STK32A: variants seen among roughly 807,000 people sequenced by gnomAD.
The protein encoded by STK32A is serine/threonine kinase 32A.
Under a neutral mutation model 53.2 loss-of-function variants are expected in STK32A, and 41 were observed. The observed-to-expected ratio is 0.77, with a 90% CI of 0.60 to 1.00. The LOEUF (loss-of-function observed/expected upper bound fraction) is 1.00. Ranked by LOEUF, STK32A falls within the 50% of genes least tolerant of loss-of-function variation. The pLI is 0.00. For synonymous variants in STK32A, 166 were observed against 162.8 expected, an observed-to-expected ratio of 1.02 and a Z score of -0.15; for missense variants, 458 against 485.8, an observed-to-expected ratio of 0.94 and a Z score of 0.54.
At chr5:147,388,740 T>C (rs1417017438), downstream of STK32A, among the ~76,000 whole-genome samples, 1 of 152,204 alleles carries the variant, frequency 6.6e-6, no homozygotes, top group African/African-American at 2.4e-5. Context: ...ATTCCCCACC[T>C]GGTCAACGTG....
the STK32A span, among the ~76,000 whole-genome samples, chr5:147,399,912 C>G: frequency 6.6e-6 from 1 of 152,138 alleles, no homozygotes; most frequent in Non-Finnish European, 1.5e-5. Context: ...TCCCTCTTTT[C>G]AAACCAAAAA....
At chr5:147,376,215 A>C (rs2152005837) in intron 11 of STK32A, among the ~76,000 whole-genome samples, 1 of 152,296 alleles carries the variant, frequency 6.6e-6, no homozygotes, top group East Asian at 1.9e-4. Flanking sequence ...ACCAACGTTC[A>C]CATCTCTGTC....
downstream of STK32A, among the ~76,000 whole-genome samples, chr5:147,389,462 A>C (rs2152011479): frequency 6.6e-6 from 1 of 152,326 alleles, no homozygotes; most frequent in South Asian, 2.1e-4. Context: ...TGATGAGTAC[A>C]TGCCCCAAGC....
intron 9 of STK32A, among the ~76,000 whole-genome samples, 198 bp downstream of exon 9, chr5:147,370,968 T>G (rs190974315): frequency 1.3e-5 from 2 of 152,312 alleles, no homozygotes; most frequent in African/African-American, 4.8e-5. Context: ...CAAAGCCATC[T>G]TAAACTCAAA....
chr5:147,398,849 G>C, the STK32A span, among the ~76,000 whole-genome samples: 1 of 152,186 alleles, frequency 6.6e-6, no homozygotes, highest in South Asian at 2.1e-4. Flanking sequence ...ATGTAGAGAG[G>C]AAGCCTCTAT....
chr5:147,238,603 C>T (rs1261019597), intron 1 of STK32A, among the ~76,000 whole-genome samples: 1 of 152,000 alleles, frequency 6.6e-6, no homozygotes, highest in Non-Finnish European at 1.5e-5. Flanking sequence ...AGCACTTATG[C>T]TATGAAAATG....
At chr5:147,283,292 G>A (rs975154258) in intron 4 of STK32A, among the ~76,000 whole-genome samples, 4 of 151,974 alleles carry the variant, frequency 2.6e-5, no homozygotes, top group Non-Finnish European at 5.9e-5. Flanking sequence ...TACAGCAAAG[G>A]CGGTGCTAAA....
At chr5:147,276,236 G>T (rs768372195) in intron 2 of STK32A, among the ~76,000 whole-genome samples, 10 of 152,054 alleles carry the variant, frequency 6.6e-5, no homozygotes, top group African/African-American at 9.7e-5. Context: ...ACAACCCAAG[G>T]TAAAACATAA....
intron 8 of STK32A, among the ~76,000 whole-genome samples, chr5:147,368,099 T>C (rs1347142256): frequency 2.0e-5 from 3 of 152,242 alleles, no homozygotes; most frequent in Non-Finnish European, 2.9e-5. Flanking sequence ...CCCTTAACTA[T>C]TAATCTGCTT....
intron 4 of STK32A, among the ~76,000 whole-genome samples, chr5:147,320,827 A>G (rs553825747): frequency 1.1e-4 from 17 of 152,290 alleles, no homozygotes; most frequent in East Asian, 5.8e-4. Flanking sequence ...TGCTAGCTGG[A>G]GAGTGGAAGG....
intron 2 of STK32A, among the ~76,000 whole-genome samples, chr5:147,262,834 T>C (rs537379033): frequency 4.6e-5 from 7 of 151,934 alleles, no homozygotes; most frequent in East Asian, 1.9e-4. Flanking sequence ...AAGGGGAAGG[T>C]GAGAAATAAC....
intron 6 of STK32A, chr5:147,348,641 G>A (rs1463588273): frequency 1.7e-5 from 13 of 751,536 alleles, no homozygotes; most frequent in Non-Finnish European, 3.0e-5. Context: ...GTAGACAGTT[G>A]CATGTCTGGC....
At chr5:147,311,800 G>T (rs1248819030) in intron 4 of STK32A, among the ~76,000 whole-genome samples, 1 of 152,156 alleles carries the variant, frequency 6.6e-6, no homozygotes, top group African/African-American at 2.4e-5. Context: ...TGTTGCCCAG[G>T]CTGGCCTTGA....
At chr5:147,257,353 G>A (rs2151944906) in intron 2 of STK32A, among the ~76,000 whole-genome samples, 1 of 152,228 alleles carries the variant, frequency 6.6e-6, no homozygotes, top group East Asian at 1.9e-4. Context: ...TGACAGTCAG[G>A]AGGCACAGAG....
At chr5:147,399,490 G>A in the STK32A span, among the ~76,000 whole-genome samples, 1 of 152,210 alleles carries the variant, frequency 6.6e-6, no homozygotes, top group South Asian at 2.1e-4. Context: ...CCTGAAGTAT[G>A]CATTTTTTTC....
chr5:147,256,120 G>A (rs1223713924), intron 2 of STK32A, among the ~76,000 whole-genome samples: 1 of 152,164 alleles, frequency 6.6e-6, no homozygotes, highest in Admixed American at 6.5e-5. Context: ...ATCCGCTCGG[G>A]GATGAATAAG....
chr5:147,371,082 A>G (rs567398985), intron 9 of STK32A, among the ~76,000 whole-genome samples: 1 of 152,084 alleles, frequency 6.6e-6, no homozygotes, highest in Non-Finnish European at 1.5e-5. Context: ...ACCAGGACTC[A>G]TTTGTCATCT....
At chr5:147,236,615 T>C (rs1034498178) in intron 1 of STK32A, among the ~76,000 whole-genome samples, 1 of 152,098 alleles carries the variant, frequency 6.6e-6, no homozygotes, top group Non-Finnish European at 1.5e-5. Flanking sequence ...TTAGGTGCAA[T>C]GAAGAAGATA....
chr5:147,294,001 AGAT>A (rs1263395893), intron 4 of STK32A, among the ~76,000 whole-genome samples: 5 of 152,240 alleles, frequency 3.3e-5, no homozygotes, highest in Non-Finnish European at 7.3e-5. Flanking sequence ...TGACTGCAGA[AGAT>A]AAGATTTTCA....
Sources: allele counts gnomAD v4.1 joint callset (sites outside exome capture counted in the v4.1 genomes callset), GRCh38; gene constraint gnomAD v4.1.1; transcripts MANE v1.5; gene names NCBI Gene and HGNC (gene_info 2026-07-23, HGNC 2026-07-21).